The following XRN2 variants were observed in gnomAD, a reference collection of about 807,000 sequenced individuals.
XRN2 encodes 5'-3' exoribonuclease 2, also known as DHM1-like protein.
XRN2 carries 44 observed loss-of-function variants against 138.5 expected under a neutral mutation model. The observed-to-expected ratio is 0.32, with a 90% CI of 0.25 to 0.41. The LOEUF is 0.41. XRN2 is among the 10% of genes least tolerant of loss of function. The pLI, the probability that XRN2 is intolerant of heterozygous loss-of-function variation, is 1.00. For missense variants in XRN2, 937 were observed against 1,169.3 expected (o/e 0.80, Z 2.90); for synonymous variants, 354 against 369.4 (o/e 0.96, Z 0.48).
intron 1 of XRN2, among the ~76,000 whole-genome samples, chr20:21,321,301 CTGTGTG>C (rs61188840): frequency 0.49 from 59,535 of 121,070 alleles, 14,343 homozygotes; most frequent in South Asian, 0.55. Context: ...CTGTGCCTGG[CTGTGTG>C]TGTGTGTGTG....
At chr20:21,380,755 G>T (rs767637360) in intron 27 of XRN2, among the ~76,000 whole-genome samples, 1 of 152,236 alleles carries the variant, frequency 6.6e-6, no homozygotes, top group Non-Finnish European at 1.5e-5. Context: ...AGGTGGGTTT[G>T]GCACCCATGG....
intron 1 of XRN2, among the ~76,000 whole-genome samples, chr20:21,308,629 G>A (rs1240918639): frequency 1.3e-5 from 2 of 152,114 alleles, no homozygotes; most frequent in African/African-American, 4.8e-5. Flanking sequence ...ATCATCACGG[G>A]CAGGGTGAGG....
At chr20:21,377,865 T>A (rs2122348652) in intron 27 of XRN2, among the ~76,000 whole-genome samples, 1 of 152,262 alleles carries the variant, frequency 6.6e-6, no homozygotes, top group Admixed American at 6.5e-5. Flanking sequence ...TTTTTGTCCC[T>A]AGGGAGATAG....
At chr20:21,378,929 T>G (rs2038853877) in intron 27 of XRN2, among the ~76,000 whole-genome samples, 2 of 152,180 alleles carry the variant, frequency 1.3e-5, no homozygotes, top group Non-Finnish European at 2.9e-5. Flanking sequence ...TGGAATCGAG[T>G]GTAGCCCTGA....
chr20:21,310,813 C>T (rs554216101), intron 1 of XRN2, among the ~76,000 whole-genome samples: 4 of 151,814 alleles, frequency 2.6e-5, no homozygotes, highest in Non-Finnish European at 4.4e-5. Context: ...GGCGCGATCT[C>T]GGCTCACTGC....
intron 14 of XRN2, among the ~76,000 whole-genome samples, chr20:21,339,472 G>C (rs1255009869): frequency 1.3e-5 from 2 of 152,116 alleles, no homozygotes; most frequent in Admixed American, 1.3e-4. Context: ...TTGTTTCTCT[G>C]CTCTAAAAGC....
At chr20:21,320,356 G>T (rs1847071076) in intron 1 of XRN2, among the ~76,000 whole-genome samples, 1 of 151,916 alleles carries the variant, frequency 6.6e-6, no homozygotes, top group South Asian at 2.1e-4. Context: ...CTGGAGTGCA[G>T]TGGCACGATC....
intron 7 of XRN2, 55 bp downstream of exon 7, chr20:21,331,688 C>A: frequency 1.3e-6 from 2 of 1,593,624 alleles, no homozygotes; most frequent in Non-Finnish European, 8.6e-7. Flanking sequence ...AAAGCCATTG[C>A]ATAGAAAATA....
intron 16 of XRN2, among the ~76,000 whole-genome samples, chr20:21,345,510 G>A (rs1010522507): frequency 2.6e-5 from 4 of 152,106 alleles, no homozygotes; most frequent in African/African-American, 9.7e-5. Context: ...CTGGCACATG[G>A]AAAAGAGGCC....
chr20:21,320,232 G>A (rs2038018500), intron 1 of XRN2, among the ~76,000 whole-genome samples: 1 of 151,260 alleles, frequency 6.6e-6, no homozygotes, highest in Non-Finnish European at 1.5e-5. Flanking sequence ...CTTCTTTACT[G>A]CTTTTTATGT....
chr20:21,355,523 A>G (rs1377625967), intron 21 of XRN2, among the ~76,000 whole-genome samples: 1 of 152,140 alleles, frequency 6.6e-6, no homozygotes, highest in African/African-American at 2.4e-5. Flanking sequence ...TATTTCTTAT[A>G]CTAAGAAAAT....
At chr20:21,364,105 G>C (rs1189008659) in intron 24 of XRN2, among the ~76,000 whole-genome samples, 2 of 152,022 alleles carry the variant, frequency 1.3e-5, no homozygotes, top group African/African-American at 4.8e-5. Context: ...CTAATTTTTT[G>C]TATTTTTAGT....
intron 1 of XRN2, among the ~76,000 whole-genome samples, chr20:21,323,425 G>A (rs1051572046): frequency 6.6e-6 from 1 of 152,104 alleles, no homozygotes; most frequent in Non-Finnish European, 1.5e-5. Context: ...TTGGTTTTAG[G>A]GTTCAGAGTG....
At chr20:21,311,817 G>A (rs1330780659) in intron 1 of XRN2, among the ~76,000 whole-genome samples, 2 of 151,902 alleles carry the variant, frequency 1.3e-5, no homozygotes, top group South Asian at 2.1e-4. Flanking sequence ...GTGAAACCTC[G>A]TCTCTACTAA....
rs1294801587 is a variant in XRN2 at position 21,306,981 on chromosome 20, G to A, written c.75+3508G>A. Among the ~76,000 whole-genome samples, 5 of 76,620 alleles carry A rather than the reference G, an allele frequency of 6.5e-5. 1 individual carries two copies. The highest frequency in any genetic ancestry group is 1.8e-4 in the African/African-American group (5 of 28,074). 50.3% of individuals were successfully genotyped at this position (76,620 alleles called of 152,430 possible). ...AGATCCCGCCACTGCACTCCAGCCT[G>A]GTGACAGAGCGAGACTCCATCTCAG... On this transcript the variant is annotated intron_variant, in intron 1 of 29. Transcript: ENST00000377191.
intron 9 of XRN2, among the ~76,000 whole-genome samples, chr20:21,332,674 T>C (rs1183612102): frequency 6.6e-6 from 1 of 152,208 alleles, no homozygotes; most frequent in Non-Finnish European, 1.5e-5. Flanking sequence ...TTCTTTTTTT[T>C]TTCTTTTGAG....
chr20:21,356,762 A>G, intron 23 of XRN2, 97 bp downstream of exon 23: 1 of 1,039,012 alleles, frequency 9.6e-7, no homozygotes, highest in Non-Finnish European at 1.4e-6. Context: ...AATAATAGTG[A>G]GAAAATTGTA....
In XRN2 at chr20:21,349,373, T is replaced by A; in HGVS notation, c.1864-16T>A. 1 of 1,517,988 alleles carries A rather than the reference T, an allele frequency of 6.6e-7. No homozygotes were observed. The highest frequency in any genetic ancestry group is 9.1e-7 in the Non-Finnish European group (1 of 1,096,472). 94.0% of individuals were successfully genotyped at this position (1,517,988 alleles called of 1,614,324 possible). ...GTGACTTCTGTTTTGATTCTTTACT[T>A]TTCTCCCTAATATAGGATTCTAGTA... On this transcript the variant is annotated splice_polypyrimidine_tract_variant and intron_variant, in intron 19 of 29. Coordinates refer to ENST00000377191, the MANE Select transcript of XRN2 (RefSeq NM_012255.5).
chr20:21,343,509 T>G (rs1237657829), intron 15 of XRN2, among the ~76,000 whole-genome samples: 1 of 151,758 alleles, frequency 6.6e-6, no homozygotes, highest in Non-Finnish European at 1.5e-5. Context: ...TCTAACACAG[T>G]CTTATTAAAC....
Sources: gnomAD v4.1 joint callset for allele counts (sites outside exome capture counted in the v4.1 genomes callset) on GRCh38, gnomAD v4.1.1 for gene constraint, MANE v1.5 for transcripts, NCBI Gene and HGNC (gene_info 2026-07-23, HGNC 2026-07-21) for gene names.